The following ARHGAP15 variants were observed in gnomAD, a reference collection of about 807,000 sequenced individuals.
ARHGAP15 encodes the protein rho GTPase-activating protein 15.
In ARHGAP15, 51 loss-of-function variants were observed where a neutral mutation model predicts 63.7. The observed-to-expected ratio is 0.80, with a 90% CI of 0.64 to 1.01. The LOEUF (loss-of-function observed/expected upper bound fraction) is 1.01. ARHGAP15 is among the 50% of genes least tolerant of loss of function. ARHGAP15 has a pLI of 0.00. For synonymous variants in ARHGAP15, 191 were observed against 193.8 expected, an observed-to-expected ratio of 0.99 and a Z score of 0.12; for missense variants, 560 against 564.6, an observed-to-expected ratio of 0.99 and a Z score of 0.08.
chr2:143,425,195 G>C (rs1341463413), intron 6 of ARHGAP15, among the ~76,000 whole-genome samples: 1 of 152,058 alleles, frequency 6.6e-6, no homozygotes, highest in East Asian at 1.9e-4. Context: ...ATTTGGCATG[G>C]AGTGATATGT....
chr2:143,549,048 C>T (rs566651773), intron 10 of ARHGAP15, among the ~76,000 whole-genome samples: 125 of 152,266 alleles, frequency 8.2e-4, no homozygotes, highest in African/African-American at 2.9e-3. Context: ...TCAACCTATA[C>T]TTCCAACATT....
intron 12 of ARHGAP15, among the ~76,000 whole-genome samples, chr2:143,670,170 A>G (rs538537633): frequency 1.3e-5 from 2 of 152,276 alleles, no homozygotes; most frequent in South Asian, 2.1e-4. Flanking sequence ...CTGCTTCTCA[A>G]CATCCTCTGA....
At chr2:143,225,601 GT>G (rs1693180313) in intron 4 of ARHGAP15, among the ~76,000 whole-genome samples, 1 of 149,838 alleles carries the variant, frequency 6.7e-6, no homozygotes, top group South Asian at 2.1e-4. Flanking sequence ...GCGAGACTCC[GT>G]CTCAAAAAAC....
intron 8 of ARHGAP15, among the ~76,000 whole-genome samples, chr2:143,467,028 C>A (rs1691249409): frequency 6.6e-6 from 1 of 152,064 alleles, no homozygotes; most frequent in Non-Finnish European, 1.5e-5. Context: ...TCTTTAATTT[C>A]TCGTGTTTTT....
intron 8 of ARHGAP15, among the ~76,000 whole-genome samples, chr2:143,470,482 A>G (rs748158396): frequency 2.6e-5 from 4 of 151,062 alleles, no homozygotes; most frequent in African/African-American, 4.9e-5. Context: ...AGAGATTAAG[A>G]GTTTTCATTT....
intron 8 of ARHGAP15, among the ~76,000 whole-genome samples, chr2:143,459,016 T>C (rs1345861915): frequency 6.6e-6 from 1 of 152,164 alleles, no homozygotes; most frequent in African/African-American, 2.4e-5. Flanking sequence ...TCAAAAGGCA[T>C]ATTGCCAGCT....
chr2:143,735,182 C>CAATCT (rs1391699616), intron 13 of ARHGAP15, among the ~76,000 whole-genome samples: 1 of 152,156 alleles, frequency 6.6e-6, no homozygotes, highest in Non-Finnish European at 1.5e-5. Flanking sequence ...GTTTCTGGAT[C>CAATCT]AATCTATTTG....
intron 13 of ARHGAP15, among the ~76,000 whole-genome samples, chr2:143,742,058 CA>C (rs1685983127): frequency 6.6e-6 from 1 of 152,164 alleles, no homozygotes. Context: ...TTCTGAGAGC[CA>C]GGTCTATATT....
chr2:143,341,787 A>C (rs748356250), intron 6 of ARHGAP15, among the ~76,000 whole-genome samples: 2 of 152,272 alleles, frequency 1.3e-5, no homozygotes, highest in East Asian at 3.9e-4. Context: ...TAAAGTTAGT[A>C]GACCCACATT....
At chr2:143,683,222 T>C (rs1172580875) in intron 12 of ARHGAP15, among the ~76,000 whole-genome samples, 2 of 152,182 alleles carry the variant, frequency 1.3e-5, no homozygotes, top group African/African-American at 2.4e-5. Context: ...GATCCTATTA[T>C]TCATTTAAAT....
At chr2:143,254,052 G>A (rs1389833177) in intron 6 of ARHGAP15, among the ~76,000 whole-genome samples, 1 of 152,120 alleles carries the variant, frequency 6.6e-6, no homozygotes, top group Admixed American at 6.6e-5. Flanking sequence ...TTAGTTAACA[G>A]CAACACTAGG....
In ARHGAP15 at chr2:143,423,380, C is replaced by T. The variant is rs544355260; in HGVS notation, c.475-12221C>T. On this transcript the variant is annotated intron_variant, in intron 6 of 13. Coordinates refer to ENST00000295095, the MANE Select transcript of ARHGAP15 (RefSeq NM_018460.4). ...TCATAAGCCTTTCATTATGTGGATA[C>T]CAAAACCCTTTAGTATTAACCTAAG... Among the ~76,000 whole-genome samples, 8 of 152,226 alleles carry T rather than the reference C, an allele frequency of 5.3e-5. No homozygotes were observed. The South Asian group carries it at 1.0e-3, about 20-fold the overall frequency.
chr2:143,561,716 A>G (rs1173416937), intron 11 of ARHGAP15, among the ~76,000 whole-genome samples: 1 of 151,908 alleles, frequency 6.6e-6, no homozygotes, highest in East Asian at 1.9e-4. Flanking sequence ...AGGTTTCACC[A>G]TGTCTCAAAC....
chr2:143,550,054 G>T (rs537926286), intron 10 of ARHGAP15, among the ~76,000 whole-genome samples: 3 of 152,286 alleles, frequency 2.0e-5, no homozygotes, highest in African/African-American at 4.8e-5. Context: ...ACAATATTGA[G>T]CAAATAATAT....
intron 11 of ARHGAP15, chr2:143,608,544 A>G (rs1304967756): frequency 6.6e-6 from 1 of 152,240 alleles, no homozygotes; most frequent in African/African-American, 2.4e-5. Flanking sequence ...TCTGTCAAGT[A>G]GTCACACGGA....
chr2:143,587,062 A>C (rs762850610), intron 11 of ARHGAP15, among the ~76,000 whole-genome samples: 2 of 152,084 alleles, frequency 1.3e-5, no homozygotes, highest in Non-Finnish European at 2.9e-5. Context: ...TGGACAATAA[A>C]ATGATTTTGC....
chr2:143,520,182 A>T (rs187562807), intron 10 of ARHGAP15, among the ~76,000 whole-genome samples: 2 of 152,318 alleles, frequency 1.3e-5, no homozygotes, highest in Admixed American at 1.3e-4. Flanking sequence ...TTTTCAGAAA[A>T]AAGGATTGGT....
intron 12 of ARHGAP15, among the ~76,000 whole-genome samples, chr2:143,668,192 A>G (rs1479808516): frequency 6.6e-6 from 1 of 151,304 alleles, no homozygotes; most frequent in East Asian, 1.9e-4. Flanking sequence ...CTGTGTAGAT[A>G]TTCAGATTTA....
chr2:143,708,604 T>C (rs933350236), intron 13 of ARHGAP15, among the ~76,000 whole-genome samples: 2 of 151,966 alleles, frequency 1.3e-5, no homozygotes, highest in African/African-American at 4.8e-5. Context: ...GGCTGGCATA[T>C]TGTCCCCTGG....
Sources: allele counts gnomAD v4.1 joint callset (sites outside exome capture counted in the v4.1 genomes callset), GRCh38; gene constraint gnomAD v4.1.1; transcripts MANE v1.5; gene names NCBI Gene and HGNC (gene_info 2026-07-23, HGNC 2026-07-21).